SUGT1: variants seen among roughly 807,000 people sequenced by gnomAD.
SUGT1 encodes SGT1 assembly cochaperone of MIS12 kinetochore complex.
A neutral mutation model predicts 56.1 loss-of-function variants in SUGT1; 15 were observed. The observed-to-expected ratio is 0.27, with a 90% CI of 0.18 to 0.41. The LOEUF (loss-of-function observed/expected upper bound fraction) is 0.41. Ranked by LOEUF, SUGT1 falls within the 10% of genes least tolerant of loss-of-function variation. The probability of loss-of-function intolerance (pLI) is 1.00; values close to 1 mark genes in which losing one functional copy is unlikely to be tolerated. For synonymous variants in SUGT1, 123 were observed against 128.6 expected, an observed-to-expected ratio of 0.96 and a Z score of 0.30; for missense variants, 347 against 382.2, an observed-to-expected ratio of 0.91 and a Z score of 0.77.
chr13:52,681,625 CAGG>C (rs758608340), intron 12 of SUGT1, among the ~76,000 whole-genome samples: 107 of 152,050 alleles, frequency 7.0e-4, no homozygotes, highest in Non-Finnish European at 1.3e-3. Flanking sequence ...TCTGAGGCCA[CAGG>C]ATCCCTTGAG....
In SUGT1 at chr13:52,652,859, G is replaced by C; in HGVS notation, c.-62G>C. 1.9e-6 allele frequency: 3 copies of C among 1,585,992 alleles called. No individual in the cohort carries two copies. Among genetic ancestry groups the C allele is most frequent in the Non-Finnish European group, 1.7e-6 (2 of 1,164,838 alleles). ...TTCTCCAGAAGTTTCCCCCTTGGGC[G>C]GTGGTGGAGGTGGTAACCGTGATAG... On this transcript the variant is annotated 5_prime_UTR_variant, in exon 1 of 13. Transcript: ENST00000310528.
At chr13:52,663,056 C>T (rs2138122266) in intron 6 of SUGT1, 40 bp from the exon 7 acceptor site, 4 of 1,599,784 alleles carry the variant, frequency 2.5e-6, no homozygotes, top group Non-Finnish European at 3.4e-6. Context: ...CTTAAAAATG[C>T]ACTGTTCCCT....
At position 52,690,768 on chromosome 13, in the gene SUGT1, C is replaced by G. The variant is rs1047420260; in HGVS notation, c.*2933C>G. The G allele has an allele frequency of 6.6e-6, 1 of 152,192 alleles. No homozygotes were observed. The highest frequency in any genetic ancestry group is 2.4e-5 in the African/African-American group (1 of 41,434). 9.4% of individuals were successfully genotyped at this position (152,192 alleles called of 1,614,324 possible). On this transcript the variant is annotated 3_prime_UTR_variant, in exon 13 of 13. Coordinates refer to ENST00000310528, the MANE Select transcript of SUGT1 (RefSeq NM_006704.5). Reference sequence around the variant, plus strand: ...TAACAAGCTCAGCCTTTAGCACTGGCACTTACTGGCCAATCTGTTTTCTGT... The same window carrying G: ...TAACAAGCTCAGCCTTTAGCACTGGGACTTACTGGCCAATCTGTTTTCTGT...
At chr13:52,663,726 A>T (rs1594235669) in intron 7 of SUGT1, among the ~76,000 whole-genome samples, 1 of 152,350 alleles carries the variant, frequency 6.6e-6, no homozygotes, top group Non-Finnish European at 1.5e-5. Context: ...TATATAAGCA[A>T]CCTTTTCTAA....
chr13:52,662,412 T>G (rs1962497249), intron 5 of SUGT1, among the ~76,000 whole-genome samples: 1 of 152,232 alleles, frequency 6.6e-6, no homozygotes, highest in Admixed American at 6.5e-5. Flanking sequence ...TAAGGTTGAC[T>G]GTAGTTAAAA....
intron 12 of SUGT1, among the ~76,000 whole-genome samples, chr13:52,684,832 G>T (rs1188327669): frequency 6.6e-6 from 1 of 151,680 alleles, no homozygotes; most frequent in Admixed American, 6.6e-5. Context: ...CTGGCCTGTT[G>T]TCTGAAAGTT....
chr13:52,667,283 T>A (rs546600825), intron 10 of SUGT1, among the ~76,000 whole-genome samples: 6 of 152,376 alleles, frequency 3.9e-5, no homozygotes, highest in African/African-American at 1.4e-4. Context: ...CAAATACTTT[T>A]GTCACCCTAC....
chr13:52,679,826 A>T, intron 11 of SUGT1, 148 bp from the exon 12 acceptor site: 1 of 653,044 alleles, frequency 1.5e-6, no homozygotes, highest in Non-Finnish European at 2.3e-6. Flanking sequence ...ATTGACCTAT[A>T]TACCAGAAAG....
At position 52,652,885 on chromosome 13, in the gene SUGT1, T is replaced by G; in HGVS notation, c.-36T>G. On this transcript the variant is annotated 5_prime_UTR_variant, in exon 1 of 13. Coordinates refer to ENST00000310528, the MANE Select transcript of SUGT1 (RefSeq NM_006704.5). ...GTGGTGGAGGTGGTAACCGTGATAG[T>G]AGCAGCTCCGGCGGCAGCAACAGCG... The G allele has an allele frequency of 1.9e-6, 3 of 1,607,598 alleles. No homozygotes were observed. Among genetic ancestry groups the G allele is most frequent in the Non-Finnish European group, 2.5e-6 (3 of 1,176,578 alleles).
intron 2 of SUGT1, among the ~76,000 whole-genome samples, chr13:52,657,066 G>A (rs1962200707): frequency 1.3e-5 from 2 of 152,190 alleles, no homozygotes; most frequent in Admixed American, 1.3e-4. Context: ...AGGTACACTT[G>A]ATTGTGTATG....
intron 10 of SUGT1, among the ~76,000 whole-genome samples, chr13:52,675,097 C>CT (rs1236865752): frequency 6.6e-6 from 1 of 152,112 alleles, no homozygotes; most frequent in East Asian, 1.9e-4. Context: ...CTCTGGAGAC[C>CT]TACCCCTTCA....
rs1302437236 is a variant in SUGT1 at position 52,691,365 on chromosome 13, C to T, written c.*3530C>T. 5 of 151,898 alleles carry T rather than the reference C, an allele frequency of 3.3e-5. No individual in the cohort carries two copies. Among genetic ancestry groups the T allele is most frequent in the Non-Finnish European group, 7.4e-5 (5 of 68,008 alleles). 9.4% of individuals were successfully genotyped at this position (151,898 alleles called of 1,614,324 possible). On this transcript the variant is annotated 3_prime_UTR_variant, in exon 13 of 13. Transcript: ENST00000310528. ...TTTAGATAGAAATTTTAATTTAGTT[C>T]AGTACTTAAATATTTTTTGGCTCTT...
intron 3 of SUGT1, chr13:52,658,167 A>G (rs1468796864): frequency 1.4e-6 from 2 of 1,454,500 alleles, no homozygotes; most frequent in African/African-American, 1.4e-5. Flanking sequence ...GAATTTTGTG[A>G]CACAGCTGTA....
In SUGT1 at chr13:52,687,996, T is replaced by C; in HGVS notation, c.*161T>C. 1 of 458,864 alleles carries C rather than the reference T, an allele frequency of 2.2e-6. No individual in the cohort carries two copies. The highest frequency in any genetic ancestry group is 3.8e-6 in the Non-Finnish European group (1 of 265,198). 28.4% of individuals were successfully genotyped at this position (458,864 alleles called of 1,614,324 possible). Reference sequence around the variant, plus strand: ...TTATTTTCCTTCAAGTGTTCAAGTCTAATGAAGAATGAAGATAACATTTTA... The same window carrying C: ...TTATTTTCCTTCAAGTGTTCAAGTCCAATGAAGAATGAAGATAACATTTTA... On this transcript the variant is annotated 3_prime_UTR_variant, in exon 13 of 13. Transcript: ENST00000310528.
chr13:52,676,120 T>C, intron 10 of SUGT1, 110 bp from the exon 11 acceptor site: 1 of 708,834 alleles, frequency 1.4e-6, no homozygotes, highest in Non-Finnish European at 2.2e-6. Flanking sequence ...TTAAGGAAAC[T>C]GTCAAAGATA....
At chr13:52,657,293 A>C (rs1326299356) in intron 2 of SUGT1, among the ~76,000 whole-genome samples, 1 of 152,214 alleles carries the variant, frequency 6.6e-6, no homozygotes, top group East Asian at 1.9e-4. Context: ...ATAGACCAGG[A>C]ACTAAAAGCT....
intron 8 of SUGT1, among the ~76,000 whole-genome samples, chr13:52,664,878 A>G (rs1207897822): frequency 6.6e-6 from 1 of 152,134 alleles, no homozygotes; most frequent in East Asian, 1.9e-4. Context: ...TGTACCGGAC[A>G]CTGTGCTTGG....
intron 12 of SUGT1, among the ~76,000 whole-genome samples, chr13:52,681,577 G>A (rs1963375550): frequency 6.6e-6 from 1 of 152,104 alleles, no homozygotes; most frequent in South Asian, 2.1e-4. Context: ...GATACTGACA[G>A]TTAAGATAGG....
intron 2 of SUGT1, 41 bp downstream of exon 2, chr13:52,653,144 G>T (rs1270448882): frequency 1.9e-6 from 3 of 1,612,804 alleles, no homozygotes; most frequent in Non-Finnish European, 2.5e-6. Flanking sequence ...CTTCTTAGGG[G>T]AGCTGGGCCA....
Sources: allele counts gnomAD v4.1 joint callset (sites outside exome capture counted in the v4.1 genomes callset), GRCh38; gene constraint gnomAD v4.1.1; transcripts MANE v1.5; gene names NCBI Gene and HGNC (gene_info 2026-07-23, HGNC 2026-07-21).